Variants in PTBP1 observed in about 807,000 individuals in gnomAD.
PTBP1 encodes the protein polypyrimidine tract-binding protein 1.
A neutral mutation model predicts 59.8 loss-of-function variants in PTBP1; 8 were observed. The observed-to-expected ratio is 0.13, with a 90% CI of 0.08 to 0.24. The LOEUF (loss-of-function observed/expected upper bound fraction) is 0.24, where lower values mean the gene tolerates loss of function less well. Ranked by LOEUF, PTBP1 falls within the 10% of genes least tolerant of loss-of-function variation. The pLI, the probability that PTBP1 is intolerant of heterozygous loss-of-function variation, is 1.00. For synonymous variants in PTBP1, 490 were observed against 320.7 expected (o/e 1.53, Z -5.64); for missense variants, 686 against 767.0 (o/e 0.89, Z 1.25).
intron 3 of PTBP1, 139 bp from the exon 4 acceptor site, chr19:803,897 C>T (rs140113350): frequency 1.8e-5 from 18 of 1,028,014 alleles, no homozygotes; most frequent in South Asian, 3.1e-5. Flanking sequence ...CTTGGCCTCT[C>T]GCGCTGCTGG....
Position 810,928 on chromosome 19 carries a change from TTTA to T in PTBP1, c.*105_*107del. 1 of 1,189,390 alleles carries T rather than the reference TTTA, an allele frequency of 8.4e-7. No homozygotes were observed. Among genetic ancestry groups the T allele is most frequent in the Non-Finnish European group, 1.1e-6 (1 of 883,468 alleles). 73.7% of individuals were successfully genotyped at this position (1,189,390 alleles called of 1,614,324 possible). On this transcript the variant is annotated 3_prime_UTR_variant, in exon 15 of 15. Coordinates refer to ENST00000356948, the MANE Select transcript of PTBP1 (RefSeq NM_002819.5). ...GAAGTGACCTTAGCAGACCAGAGAT[TTTA>T]TTTTTTTAAAGAGAAATCAGTTTAC... is the stretch of plus-strand genomic sequence containing the variant.
intron 1 of PTBP1, among the ~76,000 whole-genome samples, chr19:798,717 G>A (rs1280330151): frequency 6.6e-6 from 1 of 152,252 alleles, no homozygotes; most frequent in Admixed American, 6.5e-5. Context: ...GCCGGGAGAA[G>A]CCGTGGGGAG....
At chr19:805,689 C>G in intron 9 of PTBP1, 120 bp downstream of exon 9, 1 of 865,014 alleles carries the variant, frequency 1.2e-6, no homozygotes, top group Non-Finnish European at 1.9e-6. Context: ...AGGTCAGGGG[C>G]CCTTCCCGGG....
At chr19:797,762 C>A (rs1342939547) in intron 1 of PTBP1, among the ~76,000 whole-genome samples, 1 of 148,444 alleles carries the variant, frequency 6.7e-6, no homozygotes, top group South Asian at 2.1e-4. Flanking sequence ...CGCGGCCTCC[C>A]GCGCCCCTCC....
Position 804,858 on chromosome 19 carries a change from G to C in PTBP1, c.636G>C (p.Lys212Asn). The C allele has an allele frequency of 6.2e-7, 1 of 1,614,008 alleles. No homozygotes were observed. The highest frequency in any genetic ancestry group is 8.5e-7 in the Non-Finnish European group (1 of 1,179,922). Residue 212 changes from lysine (K) to asparagine (N), a missense_variant, in exon 7 of 15, where the codon AAG becomes AAC. Coordinates refer to ENST00000356948, the MANE Select transcript of PTBP1 (RefSeq NM_002819.5). ...TCTCCAAGTTCGGCACAGTGTTGAA[G>C]ATCATCACCTTCACCAAGAACAACC... ...QIFSKFGTVLKIITFTKNNQF... is the reference protein window; with the variant it reads ...QIFSKFGTVLNIITFTKNNQF...
chr19:797,793 A>T (rs538273997), intron 1 of PTBP1, among the ~76,000 whole-genome samples: 1 of 140,440 alleles, frequency 7.1e-6, no homozygotes, highest in Non-Finnish European at 1.6e-5. Context: ...GCGTCCCCGC[A>T]CTTCGCCTTT....
chr19:803,175 C>T (rs1345054036), intron 2 of PTBP1, among the ~76,000 whole-genome samples: 2 of 152,146 alleles, frequency 1.3e-5, no homozygotes, highest in Non-Finnish European at 2.9e-5. Flanking sequence ...GGTCCTCTGC[C>T]CTGCTGGCTG....
chr19:802,615 T>A (rs1481618844), intron 2 of PTBP1, among the ~76,000 whole-genome samples: 1 of 152,218 alleles, frequency 6.6e-6, no homozygotes, highest in Non-Finnish European at 1.5e-5. Context: ...TGGGCGTTGC[T>A]GCCCTCAGCG....
chr19:805,263 C>A, intron 8 of PTBP1, 76 bp downstream of exon 8: 1 of 1,524,042 alleles, frequency 6.6e-7, no homozygotes, highest in Non-Finnish European at 9.0e-7. Context: ...CCCGGCGGCA[C>A]GGGCCCGGCC....
chr19:800,169 G>A (rs768530743), intron 2 of PTBP1, among the ~76,000 whole-genome samples: 37 of 151,396 alleles, frequency 2.4e-4, no homozygotes, highest in African/African-American at 8.5e-4. Context: ...CTGGAACACA[G>A]GTGATGCACC....
rs368699194 is a variant in PTBP1 at position 802,664 on chromosome 19, CCAAGGTCCT to C, written c.40-894_40-886del. On this transcript the variant is annotated intron_variant, in intron 2 of 14. Transcript: ENST00000356948. ...GCTTTGCAGACCAAGCGCCTGTGCT[CCAAGGTCCT>C]CAGACCCGAGCTTTGTTTTCTGTGT... Among the ~76,000 whole-genome samples, 6 of 152,298 alleles carry C rather than the reference CCAAGGTCCT, an allele frequency of 3.9e-5. No individual in the cohort carries two copies. The East Asian group carries it at 1.2e-3, about 29-fold the overall frequency.
chr19:808,415 C>G lies in PTBP1; in HGVS notation c.1209C>G (p.Ala403=), dbSNP rs143211719. The G allele has an allele frequency of 6.2e-7, 1 of 1,607,278 alleles. No homozygotes were observed. The highest frequency in any genetic ancestry group is 8.5e-7 in the Non-Finnish European group (1 of 1,178,110). ...VKILFNKKEN[A]LVQMADGNQA... is the part of the protein sequence containing the mutation. ...TCCTGTTCAATAAGAAGGAGAACGC[C>G]CTAGTGCAGATGGCGGACGGCAACC... The change falls in exon 12 of 15, where the codon GCC becomes GCG. Residue 403 remains alanine, a synonymous_variant. Coordinates refer to ENST00000356948, the MANE Select transcript of PTBP1 (RefSeq NM_002819.5). The surrounding 1 kb of genome is among the most constrained non-coding windows in gnomAD (Gnocchi z 4.7).
chr19:806,628 G>A, intron 10 of PTBP1, 72 bp downstream of exon 10: 1 of 1,398,480 alleles, frequency 7.2e-7, no homozygotes, highest in African/African-American at 1.5e-5. Flanking sequence ...CTCGGGCTCG[G>A]GTCCCGGAGC....
At chr19:797,755 G>T (rs2034135484) in intron 1 of PTBP1, among the ~76,000 whole-genome samples, 1 of 146,284 alleles carries the variant, frequency 6.8e-6, no homozygotes, top group Non-Finnish European at 1.5e-5. Context: ...TAGCGCACGC[G>T]GCCTCCCGCG....
chr19:806,552 C>G lies in PTBP1; in HGVS notation c.1115C>G (p.Pro372Arg). 4 of 1,515,798 alleles carry G rather than the reference C, an allele frequency of 2.6e-6. No individual in the cohort carries two copies. Among genetic ancestry groups the G allele is most frequent in the African/African-American group, 1.4e-5 (1 of 69,050 alleles). 93.9% of individuals were successfully genotyped at this position (1,515,798 alleles called of 1,614,324 possible). A position where few individuals can be genotyped will look rare whatever the true frequency, so the allele number is the denominator to read the frequency against. ...NSVLLVSNLN[P>R]ERVTPQSLFI... The stretch of plus-strand genomic sequence containing the variant: ...GTATTGCTGGTCAGCAACCTCAACC[C>G]AGAGGTACGTGGGCTTTTCCTCCGC... Residue 372 changes from proline to arginine, a missense_variant, in exon 10 of 15, where the codon CCA becomes CGA. Transcript: ENST00000356948.
rs1472152079 is a variant in PTBP1 at position 804,205 on chromosome 19, C to T, written c.285C>T (p.Asn95=). The change falls in exon 4 of 15, where the codon AAC becomes AAT. Residue 95 remains asparagine (N), a synonymous_variant. Coordinates refer to ENST00000356948, the MANE Select transcript of PTBP1 (RefSeq NM_002819.5). The part of the protein sequence containing the change: ...VTNLLMLKGK[N]QAFIEMNTEE... ...ACCTCCTGATGCTGAAGGGGAAAAA[C>T]CAGGTACCTGAGCCGCGTTTCTCCG... 1 of 1,606,880 alleles carries T rather than the reference C, an allele frequency of 6.2e-7. No individual in the cohort carries two copies. The highest frequency in any genetic ancestry group is 8.5e-7 in the Non-Finnish European group (1 of 1,175,120).
Position 808,322 on chromosome 19 carries a change from C to T in PTBP1, c.1154-38C>T. ...CTGACGGGGAGATGGGCGGGGCAGG[C>T]AGCAGGAGACTCAGGCCCCATCCCT... is the stretch of plus-strand genomic sequence containing the variant. On this transcript the variant is annotated intron_variant, in intron 11 of 14. Transcript: ENST00000356948. This position sits in a 1 kb window ranked among gnomAD's most constrained non-coding sequence, Gnocchi z 4.7. The T allele has an allele frequency of 6.7e-7, 1 of 1,500,290 alleles. No individual in the cohort carries two copies. The highest frequency in any genetic ancestry group is 9.1e-7 in the Non-Finnish European group (1 of 1,098,028). The allele number at this position is 1,500,290 out of a possible 1,614,324, so 92.9% of individuals were successfully genotyped here.
At position 804,095 on chromosome 19, in the gene PTBP1, A is replaced by G. The variant is rs1739510653; in HGVS notation, c.175A>G (p.Arg59Gly). 6.2e-7 allele frequency: 1 copy of G among 1,613,900 alleles called. No individual in the cohort carries two copies. Among genetic ancestry groups the G allele is most frequent in the Non-Finnish European group, 8.5e-7 (1 of 1,179,976 alleles). Residue 59 changes from arginine (R) to glycine (G), a missense_variant, in exon 4 of 15, where the codon AGA (arginine) becomes GGA (glycine). Physicochemically the swap from Arg to Gly is moderately radical, Grantham distance 125 (BLOSUM62 -2). Coordinates refer to ENST00000356948, the MANE Select transcript of PTBP1 (RefSeq NM_002819.5). ...GDSRSAGVPSRVIHIRKLPID... is the reference protein window; with the variant it reads ...GDSRSAGVPSGVIHIRKLPID... ...CAGCCGAAGTGCAGGCGTCCCCTCT[A>G]GAGTGATCCACATCCGGAAGCTCCC...
In PTBP1 at chr19:805,553, C is replaced by T; in HGVS notation, c.954C>T (p.Ala318=). ...GAGCTGGTTTCCCTCCCACCTTTGC[C>T]ATTCCTCAAGCTGCAGGTATTCAAA... ...YAGAGFPPTF[A]IPQAAGLSVP... The change falls in exon 9 of 15, where the codon GCC becomes GCT. Residue 318 remains alanine (A), a synonymous_variant. Coordinates refer to ENST00000356948, the MANE Select transcript of PTBP1 (RefSeq NM_002819.5). 1.2e-6 allele frequency: 2 copies of T among 1,613,754 alleles called. No homozygotes were observed. The highest frequency in any genetic ancestry group is 2.2e-5 in the East Asian group (1 of 44,880).
Sources: gnomAD v4.1 joint callset for allele counts (sites outside exome capture counted in the v4.1 genomes callset) on GRCh38, gnomAD v4.1.1 for gene constraint, Gnocchi (gnomAD v3.1) non-coding constraint, MANE v1.5 for transcripts, NCBI Gene and HGNC (gene_info 2026-07-23, HGNC 2026-07-21) for gene names.